RBFOX1: variants seen among roughly 807,000 people sequenced by gnomAD.
RBFOX1 encodes RNA binding protein fox-1 homolog 1.
RBFOX1 carries 8 observed loss-of-function variants against 57.7 expected under a neutral mutation model. That is an observed-to-expected ratio of 0.14 (90% confidence interval 0.08 to 0.25). The LOEUF is 0.25. Ranked by LOEUF, RBFOX1 falls within the 10% of genes least tolerant of loss-of-function variation. RBFOX1 has a pLI of 1.00. For missense variants in RBFOX1, 611 were observed against 548.5 expected (o/e 1.11, Z -1.14); for synonymous variants, 326 against 222.4 (o/e 1.47, Z -4.15).
intron 3 of RBFOX1, among the ~76,000 whole-genome samples, chr16:6,772,592 G>C (rs1220134181): frequency 6.6e-6 from 1 of 150,576 alleles, no homozygotes; most frequent in Admixed American, 6.6e-5. Context: ...ATATGGGTGG[G>C]TATGGGGTGC....
chr16:6,885,886 A>G (rs77954852), intron 3 of RBFOX1, among the ~76,000 whole-genome samples: 16,164 of 152,224 alleles, frequency 0.11, 969 homozygotes, highest in African/African-American at 0.16. Flanking sequence ...TGTTTACTCA[A>G]TGCAGCATTG....
At chr16:5,784,491 G>T (rs2054433451) in intron 3 of RBFOX1, among the ~76,000 whole-genome samples, 1 of 152,058 alleles carries the variant, frequency 6.6e-6, no homozygotes, top group Non-Finnish European at 1.5e-5. Flanking sequence ...CAGAGAGACG[G>T]GGGAGGTACT....
At chr16:6,377,546 C>T (rs934172544) in intron 2 of RBFOX1, among the ~76,000 whole-genome samples, 6 of 151,970 alleles carry the variant, frequency 3.9e-5, no homozygotes, top group Non-Finnish European at 7.4e-5. Flanking sequence ...TGCCTGCCTG[C>T]GTAGAATCAA....
intron 4 of RBFOX1, among the ~76,000 whole-genome samples, chr16:7,311,143 C>G (rs1442856780): frequency 3.9e-5 from 6 of 152,182 alleles, no homozygotes; most frequent in Non-Finnish European, 8.8e-5. Context: ...ATACATTCAA[C>G]GTCTACATCC....
chr16:6,042,044 C>G (rs2095441858), intron 1 of RBFOX1, among the ~76,000 whole-genome samples: 1 of 152,040 alleles, frequency 6.6e-6, no homozygotes, highest in African/African-American at 2.4e-5. Context: ...ATCTTCAAAG[C>G]CAGCAATACG....
At chr16:7,698,956 G>A (rs17144619) in intron 14 of RBFOX1, among the ~76,000 whole-genome samples, 3,923 of 152,244 alleles carry the variant, frequency 0.026, 154 homozygotes, top group African/African-American at 0.083. Context: ...CTGTATCCAT[G>A]CATGCAGAAT....
In RBFOX1 at chr16:6,218,964, A is replaced by G. The variant is rs11645590; in HGVS notation, c.-126-98031A>G. Among the ~76,000 whole-genome samples, 3 of 151,944 alleles carry G rather than the reference A, an allele frequency of 2.0e-5. No homozygotes were observed. In the East Asian group the frequency reaches 5.8e-4, roughly 29 times the overall value. ...ACTGTGGTTTTCAACATAAAAGCAT[A>G]ATAGTCAGTAGCACGTATGTCAAAA... On this transcript the variant is annotated intron_variant, in intron 1 of 15. Coordinates refer to ENST00000550418, the MANE Select transcript of RBFOX1 (RefSeq NM_018723.4).
chr16:6,614,567 C>G (rs571422983), intron 2 of RBFOX1, among the ~76,000 whole-genome samples: 1 of 152,258 alleles, frequency 6.6e-6, no homozygotes, highest in African/African-American at 2.4e-5. Context: ...TCAGAAATGT[C>G]TTCGCCTAGT....
chr16:5,529,726 C>T (rs1347963994), intron 2 of RBFOX1, among the ~76,000 whole-genome samples: 1 of 152,078 alleles, frequency 6.6e-6, no homozygotes, highest in Non-Finnish European at 1.5e-5. Context: ...GCCACCACGC[C>T]TGGCTAATTT....
chr16:7,083,316 C>T (rs148867442), intron 4 of RBFOX1, among the ~76,000 whole-genome samples: 20 of 152,082 alleles, frequency 1.3e-4, no homozygotes, highest in African/African-American at 4.8e-4. Flanking sequence ...TAAAATGTTT[C>T]TCCATCTTAG....
At chr16:5,484,773 G>C (rs774991735) in intron 2 of RBFOX1, among the ~76,000 whole-genome samples, 4 of 151,940 alleles carry the variant, frequency 2.6e-5, no homozygotes, top group African/African-American at 4.8e-5. Flanking sequence ...TTAGCCAGGC[G>C]TGGTGGCGGG....
intron 3 of RBFOX1, among the ~76,000 whole-genome samples, chr16:6,697,431 A>T (rs2061217914): frequency 6.6e-6 from 1 of 152,214 alleles, no homozygotes; most frequent in South Asian, 2.1e-4. Context: ...ATACTGGCTC[A>T]TAGGAAACAG....
At chr16:6,975,360 G>T (rs2153577339) in intron 3 of RBFOX1, among the ~76,000 whole-genome samples, 1 of 152,196 alleles carries the variant, frequency 6.6e-6, no homozygotes, top group Non-Finnish European at 1.5e-5. Context: ...CCGACTCCTG[G>T]GTTCAAGCGA....
chr16:6,920,521 C>G (rs1210667297), intron 3 of RBFOX1, among the ~76,000 whole-genome samples: 1 of 152,106 alleles, frequency 6.6e-6, no homozygotes. Context: ...CCAAGGGCTA[C>G]CATAACAAAT....
chr16:6,369,436 C>T (rs1567136752), intron 2 of RBFOX1, among the ~76,000 whole-genome samples: 1 of 152,176 alleles, frequency 6.6e-6, no homozygotes, highest in Non-Finnish European at 1.5e-5. Context: ...TTAGACATAG[C>T]ATCTCTACCC....
chr16:5,327,071 A>G (rs777831646), intron 1 of RBFOX1, among the ~76,000 whole-genome samples: 5 of 152,216 alleles, frequency 3.3e-5, no homozygotes, highest in African/African-American at 4.8e-5. Context: ...AAAGTAGAAC[A>G]AGGAGATCGG....
intron 4 of RBFOX1, among the ~76,000 whole-genome samples, chr16:5,933,962 G>A (rs1318270620): frequency 6.6e-6 from 1 of 151,990 alleles, no homozygotes; most frequent in Non-Finnish European, 1.5e-5. Flanking sequence ...CCACCCTCAA[G>A]TAGGCGCCTG....
rs113887252 is a variant in RBFOX1 at position 7,414,593 on chromosome 16, T to C, written c.28-103554T>C. Among the ~76,000 whole-genome samples, 477 of 152,290 alleles carry C rather than the reference T, an allele frequency of 3.1e-3. 5 individuals carry two copies. The highest frequency in any genetic ancestry group is 0.011 in the African/African-American group (458 of 41,552). On this transcript the variant is annotated intron_variant, in intron 4 of 15. Transcript: ENST00000550418. The stretch of plus-strand genomic sequence containing the variant: ...CTACCATATCCCAAACACAATGTTT[T>C]TCAAATATTGTTTTTATTTTATTTT...
intron 4 of RBFOX1, among the ~76,000 whole-genome samples, chr16:7,482,520 A>G (rs1365740667): frequency 2.3e-5 from 3 of 130,786 alleles, no homozygotes; most frequent in Non-Finnish European, 4.9e-5. Flanking sequence ...GTTTGCATGC[A>G]TCTTCCCTTT....
Sources: allele counts gnomAD v4.1 joint callset (sites outside exome capture counted in the v4.1 genomes callset), GRCh38; gene constraint gnomAD v4.1.1; transcripts MANE v1.5; gene names NCBI Gene and HGNC (gene_info 2026-07-23, HGNC 2026-07-21).